SLC15A4: variants seen among roughly 807,000 people sequenced by gnomAD.
SLC15A4 encodes the protein hPHT1.
In SLC15A4, 26 loss-of-function variants were observed where a neutral mutation model predicts 46.1. The observed-to-expected ratio is 0.56, with a 90% CI of 0.41 to 0.78. SLC15A4 has a LOEUF of 0.78. SLC15A4 is among the 30% of genes least tolerant of loss of function. The probability of loss-of-function intolerance (pLI) is 0.00; values close to 1 mark genes in which losing one functional copy is unlikely to be tolerated. For synonymous variants in SLC15A4, 370 were observed against 333.4 expected (o/e 1.11, Z -1.20); for missense variants, 751 against 755.7 (o/e 0.99, Z 0.07).
intron 7 of SLC15A4, 149 bp from the exon 8 acceptor site, chr12:128,794,505 G>T: frequency 1.3e-6 from 1 of 778,382 alleles, no homozygotes; most frequent in African/African-American, 1.8e-5. Context: ...AAATGCACAA[G>T]CATCTTGCTT....
At chr12:128,816,761 G>C (rs757262355) in intron 1 of SLC15A4, among the ~76,000 whole-genome samples, 16 of 152,214 alleles carry the variant, frequency 1.1e-4, no homozygotes, top group Non-Finnish European at 2.1e-4. Flanking sequence ...GAACTGGGGA[G>C]GAGGTGGCAG....
At chr12:128,816,701 G>A (rs1313895058) in intron 1 of SLC15A4, among the ~76,000 whole-genome samples, 2 of 152,224 alleles carry the variant, frequency 1.3e-5, no homozygotes, top group East Asian at 3.9e-4. Context: ...GTGCGGTGGT[G>A]TGCGCCTACA....
intron 1 of SLC15A4, among the ~76,000 whole-genome samples, chr12:128,820,308 A>G (rs528039358): frequency 2.0e-5 from 3 of 152,180 alleles, no homozygotes; most frequent in Non-Finnish European, 4.4e-5. Context: ...CTCACTACCT[A>G]CAGGCAGTAA....
At chr12:128,796,395 C>CTCCA (rs1955442164) in intron 7 of SLC15A4, among the ~76,000 whole-genome samples, 1 of 132,048 alleles carries the variant, frequency 7.6e-6, no homozygotes, top group Non-Finnish European at 1.5e-5. Flanking sequence ...TACCACTGCA[C>CTCCA]TCCAGCCCGG....
At chr12:128,815,238 C>T in intron 1 of SLC15A4, 168 bp from the exon 2 acceptor site, 1 of 654,314 alleles carries the variant, frequency 1.5e-6, no homozygotes, top group East Asian at 2.7e-5. Context: ...ACAAAAAGCA[C>T]ACCCCACGCT....
chr12:128,821,858 C>G (rs1955843778), intron 1 of SLC15A4, among the ~76,000 whole-genome samples: 1 of 148,790 alleles, frequency 6.7e-6, no homozygotes, highest in Admixed American at 6.8e-5. Flanking sequence ...TGCACTCCAA[C>G]CTGGCAACAG....
In SLC15A4 at chr12:128,810,164, T is replaced by C. The variant is rs577623551; in HGVS notation, c.843-53A>G. The C allele has an allele frequency of 1.7e-5, 27 of 1,575,920 alleles. No homozygotes were observed. The East Asian group carries it at 6.0e-4, about 35-fold the overall frequency. On this transcript the variant is annotated intron_variant, in intron 2 of 7. Transcript: ENST00000266771. ...TTTTCTTCCCCTCCCAGCAATCAAT[T>C]ATTTGGTCACAAATTAAGTTTGGAG...
At chr12:128,798,581 A>G (rs1209075728) in intron 7 of SLC15A4, among the ~76,000 whole-genome samples, 1 of 152,244 alleles carries the variant, frequency 6.6e-6, no homozygotes, top group African/African-American at 2.4e-5. Context: ...TGATTATACA[A>G]GAAAAAGTAA....
rs1043915752 is a variant in SLC15A4, at chr12:128,815,546, C to T, written c.547-476G>A. On this transcript the variant is annotated intron_variant, in intron 1 of 7. Transcript: ENST00000266771. ...ACTAAAAATACAAAAATTAGCCAGG[C>T]ATGGTGGTGGGCACCTGTAATCCCA... 3.7e-5 allele frequency: 6 copies of T among 162,956 alleles called. No homozygotes were observed. The South Asian group carries it at 9.2e-4, about 25-fold the overall frequency. 10.1% of individuals were successfully genotyped at this position (162,956 alleles called of 1,614,324 possible).
intron 5 of SLC15A4, among the ~76,000 whole-genome samples, chr12:128,807,629 T>C (rs565714696): frequency 6.6e-6 from 1 of 152,338 alleles, no homozygotes; most frequent in East Asian, 1.9e-4. Context: ...ACAGCCCTTC[T>C]GCAGGCGCAC....
At position 128,800,876 on chromosome 12, in the gene SLC15A4, G is replaced by A. The variant is rs371865899; in HGVS notation, c.1392C>T (p.Ser464=). 39 of 1,612,942 alleles carry A rather than the reference G, an allele frequency of 2.4e-5. No individual in the cohort carries two copies. The highest frequency in any genetic ancestry group is 3.3e-4 in the Middle Eastern group (2 of 6,072). Residue 464 remains serine (S), a synonymous_variant, in exon 6 of 8, where the codon AGC becomes AGT. Coordinates refer to ENST00000266771, the MANE Select transcript of SLC15A4 (RefSeq NM_145648.4). ...QVPQYLLIGI[S]EIFASIAGLE... ...CACCTGCGATACTTGCAAAGATCTC[G>A]CTGATCCCAATCAGCAAGTACTGCG...
intron 5 of SLC15A4, among the ~76,000 whole-genome samples, chr12:128,808,390 C>T (rs573533465): frequency 1.3e-5 from 2 of 152,250 alleles, no homozygotes; most frequent in Admixed American, 1.3e-4. Flanking sequence ...GGCACCCTGA[C>T]ACTTGTTAAT....
intron 5 of SLC15A4, among the ~76,000 whole-genome samples, chr12:128,808,410 G>A (rs1955614423): frequency 6.6e-6 from 1 of 152,124 alleles, no homozygotes. Context: ...TAAACCTAAG[G>A]TTAGTAATCT....
chr12:128,805,087 TATAA>T (rs1241414704), intron 5 of SLC15A4, among the ~76,000 whole-genome samples: 2 of 152,004 alleles, frequency 1.3e-5, no homozygotes, highest in African/African-American at 4.8e-5. Flanking sequence ...AATACAATAA[TATAA>T]ATAAAATACA....
intron 2 of SLC15A4, among the ~76,000 whole-genome samples, chr12:128,811,881 T>C (rs1955661260): frequency 6.6e-6 from 1 of 152,222 alleles, no homozygotes; most frequent in Admixed American, 6.5e-5. Flanking sequence ...GGGTTACACA[T>C]ATTGTTAGGT....
Position 128,799,419 on chromosome 12 carries a change from T to A in SLC15A4, c.1415-2A>T. Reference sequence around the variant, plus strand: ...CAGCTGAGTATGCAAATTCCAGGCCTGAGGAAAGAAAAGGGAGGGTCGTTT... The same window carrying A: ...CAGCTGAGTATGCAAATTCCAGGCCAGAGGAAAGAAAAGGGAGGGTCGTTT... On this transcript the variant is annotated splice_acceptor_variant, in intron 6 of 7. Coordinates refer to ENST00000266771, the MANE Select transcript of SLC15A4 (RefSeq NM_145648.4). LOFTEE classifies it high-confidence loss of function. 6.2e-7 allele frequency: 1 copy of A among 1,613,820 alleles called. No homozygotes were observed. Among genetic ancestry groups the A allele is most frequent in the Non-Finnish European group, 8.5e-7 (1 of 1,179,906 alleles).
Position 128,795,355 on chromosome 12 carries a change from C to T in SLC15A4, c.1574-999G>A, listed in dbSNP as rs950411565. ...AGTTAGCATACACTGAATACCCAAC[C>T]GAGTCCCGGGCACTATGGAGGCACT... On this transcript the variant is annotated intron_variant, in intron 7 of 7. Transcript: ENST00000266771. Among the ~76,000 whole-genome samples the T allele has an allele frequency of 3.3e-5, 5 of 152,172 alleles. No individual in the cohort carries two copies. The East Asian group carries it at 7.7e-4, about 23-fold the overall frequency.
chr12:128,800,563 G>A (rs1955505800), intron 6 of SLC15A4, among the ~76,000 whole-genome samples: 2 of 152,246 alleles, frequency 1.3e-5, no homozygotes, highest in South Asian at 4.1e-4. Context: ...CGAGGGCTCC[G>A]CTGGGAACTA....
chr12:128,806,632 T>C (rs969802369), intron 5 of SLC15A4, among the ~76,000 whole-genome samples: 11 of 152,220 alleles, frequency 7.2e-5, no homozygotes, highest in Non-Finnish European at 1.5e-4. Flanking sequence ...ATAAGATATA[T>C]GTAACTCTTC....
Sources: gnomAD v4.1 joint callset for allele counts (sites outside exome capture counted in the v4.1 genomes callset) on GRCh38, gnomAD v4.1.1 for gene constraint, MANE v1.5 for transcripts, NCBI Gene and HGNC (gene_info 2026-07-23, HGNC 2026-07-21) for gene names.